FAM76B: variants seen among roughly 807,000 people sequenced by gnomAD.
FAM76B encodes protein FAM76B.
FAM76B carries 16 observed loss-of-function variants against 51.8 expected under a neutral mutation model. The observed-to-expected ratio is 0.31, with a 90% CI of 0.21 to 0.47. The LOEUF is 0.47. Among genes scored for constraint, FAM76B ranks in the 20% least tolerant of loss-of-function variants. The probability of loss-of-function intolerance (pLI) is 1.00; values close to 1 mark genes in which losing one functional copy is unlikely to be tolerated. For synonymous variants in FAM76B, 166 were observed against 129.5 expected (o/e 1.28, Z -1.91); for missense variants, 342 against 392.6 (o/e 0.87, Z 1.09).
chr11:95,779,918 T>TC lies in FAM76B; in HGVS notation c.571_572insG (p.Asn191ArgfsTer16). ...TCCCTGCTCTTCTTCTGGACTTAGA[T>TC]TGCTGATTCTGAAAAATACACAAAT... On this transcript the variant is annotated frameshift_variant, in exon 6 of 10. Transcript: ENST00000358780. LOFTEE classifies it high-confidence loss of function. The TC allele has an allele frequency of 6.2e-7, 1 of 1,604,470 alleles. No homozygotes were observed. Among genetic ancestry groups the TC allele is most frequent in the Non-Finnish European group, 8.5e-7 (1 of 1,175,998 alleles).
intron 9 of FAM76B, 82 bp downstream of exon 9, chr11:95,775,840 C>A: frequency 1.2e-6 from 1 of 832,152 alleles, no homozygotes; most frequent in Non-Finnish European, 1.8e-6. Flanking sequence ...ATAGGGCTAC[C>A]AATAACAATC....
rs116602070 is a variant in FAM76B at position 95,783,671 on chromosome 11, C to T, written c.364-407G>A. 2.3e-3 allele frequency among the ~76,000 whole-genome samples: 350 copies of T among 152,276 alleles called. 2 individuals carry two copies. Among genetic ancestry groups the T allele is most frequent in the African/African-American group, 8.2e-3 (339 of 41,546 alleles). ...CTGTAAATTTACAGAAAAACAGAAG[C>T]ATCTAAATGACACACAGAGTTGCTT... On this transcript the variant is annotated intron_variant, in intron 4 of 9. Transcript: ENST00000358780.
intron 2 of FAM76B, 61 bp from the exon 3 acceptor site, chr11:95,787,739 G>A (rs1591027993): frequency 4.4e-6 from 6 of 1,364,622 alleles, no homozygotes; most frequent in Non-Finnish European, 6.1e-6. Context: ...TTAGCACAAT[G>A]TCAAAATAAA....
chr11:95,776,427 T>C (rs1426362056), intron 8 of FAM76B, among the ~76,000 whole-genome samples: 2 of 151,524 alleles, frequency 1.3e-5, no homozygotes, highest in Non-Finnish European at 3.0e-5. Flanking sequence ...AAATAATCTT[T>C]CAATGCTTAA....
At chr11:95,784,965 A>G (rs750462723) in intron 4 of FAM76B, among the ~76,000 whole-genome samples, 2 of 152,174 alleles carry the variant, frequency 1.3e-5, no homozygotes, top group Non-Finnish European at 2.9e-5. Flanking sequence ...TCAACTGACC[A>G]ACATGTTATT....
At position 95,779,909 on chromosome 11, in the gene FAM76B, G is replaced by A. The variant is rs780046684; in HGVS notation, c.581C>T (p.Pro194Leu). The A allele has an allele frequency of 1.2e-5, 19 of 1,603,874 alleles. No homozygotes were observed. The South Asian group carries it at 2.0e-4, about 17-fold the overall frequency. The change falls in exon 6 of 10, where the codon CCA becomes CTA. Residue 194 changes from proline to leucine, a missense_variant. Physicochemically the swap from Pro to Leu is moderately conservative, Grantham distance 98. This residue lies in a region of FAM76B where 230 missense variants were observed against 257.4 expected (regional missense o/e 0.89). Coordinates refer to ENST00000358780, the MANE Select transcript of FAM76B (RefSeq NM_144664.5). Reference sequence around the variant, plus strand: ...TTTCCACAGTCCCTGCTCTTCTTCTGGACTTAGATTGCTGATTCTGAAAAA... The same window carrying A: ...TTTCCACAGTCCCTGCTCTTCTTCTAGACTTAGATTGCTGATTCTGAAAAA... Reference protein sequence around the residue: ...SSHHKISNLSPEEEQGLWKQS... With the variant: ...SSHHKISNLSLEEEQGLWKQS...
chr11:95,769,943 C>T lies in FAM76B; in HGVS notation c.*1618G>A, dbSNP rs937704219. The T allele has an allele frequency of 7.9e-5, 12 of 151,334 alleles. No homozygotes were observed. Among genetic ancestry groups the T allele is most frequent in the Non-Finnish European group, 1.6e-4 (11 of 67,538 alleles). 9.4% of individuals were successfully genotyped at this position (151,334 alleles called of 1,614,324 possible). ...ACTATGAGAACAGTCTATTGAAACACGTCATGTTAAAAAAAAATTGTTTCA... is the reference window on the plus strand; with the variant it reads ...ACTATGAGAACAGTCTATTGAAACATGTCATGTTAAAAAAAAATTGTTTCA... On this transcript the variant is annotated 3_prime_UTR_variant, in exon 10 of 10. Transcript: ENST00000358780.
rs1172410732 is a variant in FAM76B, at chr11:95,783,171, G to A, written c.457C>T (p.His153Tyr). 6.2e-7 allele frequency: 1 copy of A among 1,613,834 alleles called. No individual in the cohort carries two copies. Among genetic ancestry groups the A allele is most frequent in the Admixed American group, 1.7e-5 (1 of 59,994 alleles). The change falls in exon 5 of 10, where the codon CAT (histidine) becomes TAT (tyrosine). Residue 153 changes from histidine (H) to tyrosine (Y), a missense_variant. Physicochemically the swap from His to Tyr is moderately conservative, Grantham distance 83. This residue lies in a region of FAM76B where 230 missense variants were observed against 257.4 expected (regional missense o/e 0.89). Transcript: ENST00000358780. ...AGAGATGAAGAAGATGAATTTGAAT[G>A]TGAAGATCCCAGGCTCTTCCTTTGT... The part of the protein sequence containing the change: ...KEQRKSLGSS[H>Y]SNSSSSSLTE...
rs893116550 is a variant in FAM76B, at chr11:95,771,372, AGTT to A, written c.*186_*188del. On this transcript the variant is annotated 3_prime_UTR_variant, in exon 10 of 10. Transcript: ENST00000358780. ...AATAATTAAAAAGTTACTTCAAACC[AGTT>A]GAAGTTTTATTTGAATGTTTTACAA... 1 of 470,512 alleles carries A rather than the reference AGTT, an allele frequency of 2.1e-6. No homozygotes were observed. Among genetic ancestry groups the A allele is most frequent in the African/African-American group, 2.0e-5 (1 of 49,926 alleles). 29.1% of individuals were successfully genotyped at this position (470,512 alleles called of 1,614,324 possible).
intron 8 of FAM76B, among the ~76,000 whole-genome samples, chr11:95,776,535 C>T (rs1860016035): frequency 6.6e-6 from 1 of 151,244 alleles, no homozygotes; most frequent in South Asian, 2.1e-4. Flanking sequence ...GGATTATGTA[C>T]ACAATACCAC....
intron 9 of FAM76B, among the ~76,000 whole-genome samples, chr11:95,771,851 G>GAA (rs1859781096): frequency 6.6e-6 from 1 of 150,956 alleles, no homozygotes; most frequent in East Asian, 1.9e-4. Flanking sequence ...TGGCTCATCA[G>GAA]CCCCCTTTGT....
In FAM76B at chr11:95,789,490, G is replaced by T; in HGVS notation, c.-12C>A. The stretch of plus-strand genomic sequence containing the variant: ...GCCGAGGCCGCCATCCTGCTCCTCA[G>T]TCTCCTCCTCCGCCGCCGCCCGCTC... On this transcript the variant is annotated 5_prime_UTR_variant, in exon 1 of 10. The change creates a new upstream start codon in the 5' untranslated region. Transcript: ENST00000358780. 2 of 1,594,648 alleles carry T rather than the reference G, an allele frequency of 1.3e-6. No individual in the cohort carries two copies. Among genetic ancestry groups the T allele is most frequent in the Non-Finnish European group, 1.7e-6 (2 of 1,171,160 alleles).
At chr11:95,788,960 G>T in intron 1 of FAM76B, 1 of 1,347,732 alleles carries the variant, frequency 7.4e-7, no homozygotes, top group Non-Finnish European at 9.7e-7. Context: ...GGACAGGGAA[G>T]AAGGATGCCA....
intron 6 of FAM76B, 81 bp downstream of exon 6, chr11:95,779,798 C>CTTAA: frequency 6.5e-7 from 1 of 1,540,916 alleles, no homozygotes. Context: ...TTTGGTAAGA[C>CTTAA]TTAAGTAACA....
In FAM76B at chr11:95,785,473, AT is replaced by A. The variant is rs529091470; in HGVS notation, c.363+645del. ...TTTTATCTTCTGTTTGTTCACATGT[AT>A]TCCATCCATAGTATTCCATGATGTT... On this transcript the variant is annotated intron_variant, in intron 4 of 9. Transcript: ENST00000358780. Among the ~76,000 whole-genome samples the A allele has an allele frequency of 4.6e-5, 7 of 152,366 alleles. No individual in the cohort carries two copies. In the East Asian group the frequency reaches 1.3e-3, roughly 29 times the overall value.
chr11:95,779,786 AT>A, intron 6 of FAM76B, 92 bp downstream of exon 6: 5 of 1,558,122 alleles, frequency 3.2e-6, no homozygotes, highest in East Asian at 2.3e-5. Flanking sequence ...GAAAATACTG[AT>A]TTTGGTAAGA....
In FAM76B at chr11:95,789,719, C is replaced by G. The variant is rs1860899360; in HGVS notation, c.-241G>C. 2.1e-6 allele frequency: 1 copy of G among 485,372 alleles called. No homozygotes were observed. 30.1% of individuals were successfully genotyped at this position (485,372 alleles called of 1,614,324 possible). Reference sequence around the variant, plus strand: ...GTGCCAGCCGCTCCCGCTTAGGCCCCGATAGCGGCGGAGGGAGACGAAGCG... The same window carrying G: ...GTGCCAGCCGCTCCCGCTTAGGCCCGGATAGCGGCGGAGGGAGACGAAGCG... On this transcript the variant is annotated 5_prime_UTR_variant, in exon 1 of 10. Coordinates refer to ENST00000358780, the MANE Select transcript of FAM76B (RefSeq NM_144664.5).
rs1859679694 is a variant in FAM76B, at chr11:95,769,568, T to A, written c.*1993A>T. ...GGGAAGGACGAGGACAACTTTCTTTTGTAGTTTCTCCAACAAGGTGTAAGA... is the reference window on the plus strand; with the variant it reads ...GGGAAGGACGAGGACAACTTTCTTTAGTAGTTTCTCCAACAAGGTGTAAGA... On this transcript the variant is annotated 3_prime_UTR_variant, in exon 10 of 10. Transcript: ENST00000358780. 6.6e-6 allele frequency: 1 copy of A among 152,018 alleles called. No homozygotes were observed. The highest frequency in any genetic ancestry group is 2.4e-5 in the African/African-American group (1 of 41,376). The allele number at this position is 152,018 out of a possible 1,614,324, so 9.4% of individuals were successfully genotyped here. A position where few individuals can be genotyped will look rare whatever the true frequency, so the allele number is the denominator to read the frequency against.
chr11:95,783,570 G>A (rs780340982), intron 4 of FAM76B, among the ~76,000 whole-genome samples: 3 of 152,144 alleles, frequency 2.0e-5, no homozygotes, highest in Non-Finnish European at 2.9e-5. Flanking sequence ...TAAACTGACT[G>A]ATATACTTCC....
Sources: gnomAD v4.1 joint callset for allele counts (sites outside exome capture counted in the v4.1 genomes callset) on GRCh38, gnomAD v4.1.1 for gene constraint, gnomAD v4.1.1 regional missense constraint, MANE v1.5 for transcripts, NCBI Gene and HGNC (gene_info 2026-07-23, HGNC 2026-07-21) for gene names.